The following MAML2 variants were observed in gnomAD, a reference collection of about 807,000 sequenced individuals.
The protein encoded by MAML2 is mastermind like transcriptional coactivator 2.
A neutral mutation model predicts 96.1 loss-of-function variants in MAML2; 22 were observed. That is an observed-to-expected ratio of 0.23 (90% CI 0.16 to 0.33). The LOEUF (loss-of-function observed/expected upper bound fraction) is 0.33, where lower values mean the gene tolerates loss of function less well. Ranked by LOEUF, MAML2 falls within the 10% of genes least tolerant of loss-of-function variation. The probability of loss-of-function intolerance (pLI) is 1.00; values close to 1 mark genes in which losing one functional copy is unlikely to be tolerated. For missense variants in MAML2, 1,367 were observed against 1,392.4 expected, an observed-to-expected ratio of 0.98 and a Z score of 0.29; for synonymous variants, 561 against 521.3, an observed-to-expected ratio of 1.08 and a Z score of -1.04.
At chr11:96,102,368 T>C (rs1002364110) in intron 1 of MAML2, among the ~76,000 whole-genome samples, 1 of 152,170 alleles carries the variant, frequency 6.6e-6, no homozygotes, top group Non-Finnish European at 1.5e-5. Flanking sequence ...AATTTACCAG[T>C]CTGTCTGGAA....
chr11:96,038,351 G>T (rs1458247826), intron 2 of MAML2, among the ~76,000 whole-genome samples: 1 of 152,092 alleles, frequency 6.6e-6, no homozygotes, highest in Admixed American at 6.5e-5. Context: ...TGGTGTATGT[G>T]GTGAAACTAG....
chr11:96,072,608 T>C (rs1050988241), intron 2 of MAML2, among the ~76,000 whole-genome samples: 2 of 151,978 alleles, frequency 1.3e-5, no homozygotes, highest in African/African-American at 4.8e-5. Context: ...GGCATGCAGG[T>C]AAGGAAGAAA....
Position 95,978,786 on chromosome 11 carries a change from T to C in MAML2, c.*162A>G. 1 of 665,376 alleles carries C rather than the reference T, an allele frequency of 1.5e-6. No individual in the cohort carries two copies. The highest frequency in any genetic ancestry group is 2.4e-6 in the Non-Finnish European group (1 of 408,762). The allele number at this position is 665,376 out of a possible 1,614,324, so 41.2% of individuals were successfully genotyped here. A position where few individuals can be genotyped will look rare whatever the true frequency, so the allele number is the denominator to read the frequency against. ...AGGTGTAAGATTTAAAACAAGAATT[T>C]GGACCAAAATGTTCATCACTGCAGT... is the stretch of plus-strand genomic sequence containing the variant. On this transcript the variant is annotated 3_prime_UTR_variant, in exon 5 of 5. Coordinates refer to ENST00000524717, the MANE Select transcript of MAML2 (RefSeq NM_032427.4).
chr11:96,232,140 T>A (rs1490226821), intron 1 of MAML2, among the ~76,000 whole-genome samples: 5 of 152,078 alleles, frequency 3.3e-5, no homozygotes, highest in African/African-American at 1.2e-4. Flanking sequence ...CAAATTTAGA[T>A]CCCCCCAAGA....
At chr11:96,270,632 C>T (rs1462999469) in intron 1 of MAML2, among the ~76,000 whole-genome samples, 1 of 152,128 alleles carries the variant, frequency 6.6e-6, no homozygotes, top group Non-Finnish European at 1.5e-5. Flanking sequence ...AATACAATAG[C>T]TTCCTATATA....
At chr11:96,200,413 A>G (rs1861802835) in intron 1 of MAML2, among the ~76,000 whole-genome samples, 1 of 152,164 alleles carries the variant, frequency 6.6e-6, no homozygotes, top group African/African-American at 2.4e-5. Flanking sequence ...CTAACAAGCT[A>G]TTAGTGAGAC....
intron 1 of MAML2, among the ~76,000 whole-genome samples, chr11:96,226,687 C>A (rs1434279074): frequency 1.3e-5 from 2 of 152,118 alleles, no homozygotes; most frequent in African/African-American, 4.8e-5. Flanking sequence ...TTTTTACAGA[C>A]AGTGTCAATT....
intron 1 of MAML2, among the ~76,000 whole-genome samples, chr11:96,202,126 G>A (rs1861832225): frequency 7.4e-6 from 1 of 135,676 alleles, no homozygotes; most frequent in African/African-American, 2.8e-5. Context: ...GAGGTCAGGA[G>A]ATCAAGACTA....
Position 96,144,358 on chromosome 11 carries a change from C to A in MAML2, c.514-50841G>T, listed in dbSNP as rs139770454. ...GTGTCTATAATCCATTGCTGACTAG[C>A]ATGCTTAGCTATGGTTAAATCTTCC... On this transcript the variant is annotated intron_variant, in intron 1 of 4. Transcript: ENST00000524717. Among the ~76,000 whole-genome samples the A allele has an allele frequency of 4.1e-3, 623 of 152,276 alleles. 7 individuals carry two copies. The highest frequency in any genetic ancestry group is 0.019 in the Admixed American group (285 of 15,288).
At chr11:96,228,384 G>T (rs1862244536) in intron 1 of MAML2, among the ~76,000 whole-genome samples, 1 of 152,102 alleles carries the variant, frequency 6.6e-6, no homozygotes, top group Non-Finnish European at 1.5e-5. Flanking sequence ...CCTAGGATAT[G>T]ACACTGTGTA....
At chr11:96,025,541 A>T (rs186368388) in intron 2 of MAML2, among the ~76,000 whole-genome samples, 2 of 152,302 alleles carry the variant, frequency 1.3e-5, no homozygotes. Flanking sequence ...TGAATCTAAA[A>T]TAAAAGTGTA....
intron 2 of MAML2, among the ~76,000 whole-genome samples, chr11:96,062,230 C>A (rs1859173313): frequency 1.3e-5 from 2 of 152,100 alleles, no homozygotes; most frequent in Non-Finnish European, 2.9e-5. Context: ...TGTGATGTGG[C>A]ATTTATAATA....
intron 1 of MAML2, among the ~76,000 whole-genome samples, chr11:96,336,941 TAAAC>T (rs1034767238): frequency 1.8e-4 from 28 of 152,348 alleles, no homozygotes; most frequent in African/African-American, 6.5e-4. Flanking sequence ...ATGCCTTCTA[TAAAC>T]AAACATTGTC....
chr11:96,206,465 T>A (rs192232351), intron 1 of MAML2, among the ~76,000 whole-genome samples: 10 of 152,222 alleles, frequency 6.6e-5, no homozygotes, highest in African/African-American at 1.9e-4. Context: ...CCAGGCATGG[T>A]TGTGTACCTG....
chr11:96,236,838 C>T (rs970372256), intron 1 of MAML2, among the ~76,000 whole-genome samples: 4 of 152,094 alleles, frequency 2.6e-5, no homozygotes, highest in African/African-American at 9.7e-5. Context: ...GAGCTCTCTG[C>T]CTTTACCACA....
intron 1 of MAML2, among the ~76,000 whole-genome samples, chr11:96,251,921 A>C (rs1490542871): frequency 1.3e-5 from 2 of 151,866 alleles, no homozygotes; most frequent in African/African-American, 4.8e-5. Context: ...TTTAGTAGAG[A>C]CGGGGTTTCA....
intron 1 of MAML2, among the ~76,000 whole-genome samples, chr11:96,184,181 G>A (rs1471451621): frequency 6.6e-6 from 1 of 152,200 alleles, no homozygotes; most frequent in Non-Finnish European, 1.5e-5. Flanking sequence ...GGCGGCTCAC[G>A]CCTGTAATCC....
intron 1 of MAML2, among the ~76,000 whole-genome samples, chr11:96,166,215 A>ACACACACC (rs1372110272): frequency 0.014 from 2,009 of 145,064 alleles, 32 homozygotes; most frequent in South Asian, 0.018. Flanking sequence ...ACACACACAC[A>ACACACACC]CCCCACATTA....
chr11:95,994,652 T>C (rs920862740), intron 2 of MAML2, among the ~76,000 whole-genome samples: 2 of 152,172 alleles, frequency 1.3e-5, no homozygotes, highest in African/African-American at 4.8e-5. Context: ...AGAGAATGTA[T>C]TGGAGATGGT....
Sources: gnomAD v4.1 joint callset for allele counts (sites outside exome capture counted in the v4.1 genomes callset) on GRCh38, gnomAD v4.1.1 for gene constraint, MANE v1.5 for transcripts, NCBI Gene and HGNC (gene_info 2026-07-23, HGNC 2026-07-21) for gene names.